Variants in MTMR4 observed in about 807,000 individuals in gnomAD.
MTMR4 encodes phosphatidylinositol-3,5-bisphosphate 3-phosphatase MTMR4.
MTMR4 carries 30 observed loss-of-function variants against 125.5 expected under a neutral mutation model. The observed-to-expected ratio is 0.24, with a 90% CI of 0.18 to 0.32. The LOEUF (loss-of-function observed/expected upper bound fraction) is 0.32. Among genes scored for constraint, MTMR4 ranks in the 10% least tolerant of loss-of-function variants. The probability of loss-of-function intolerance (pLI) is 1.00; values close to 1 mark genes in which losing one functional copy is unlikely to be tolerated. For synonymous variants in MTMR4, 498 were observed against 564.5 expected, an observed-to-expected ratio of 0.88 and a Z score of 1.67; for missense variants, 1,039 against 1,511.5, an observed-to-expected ratio of 0.69 and a Z score of 5.18.
intron 14 of MTMR4, among the ~76,000 whole-genome samples, chr17:58,500,457 G>T (rs1342145545): frequency 6.6e-6 from 1 of 150,954 alleles, no homozygotes; most frequent in Non-Finnish European, 1.5e-5. Flanking sequence ...CTGCTTAGAT[G>T]TTGACTTAGA....
At chr17:58,494,668 C>T (rs1975404675) in intron 15 of MTMR4, among the ~76,000 whole-genome samples, 1 of 152,190 alleles carries the variant, frequency 6.6e-6, no homozygotes, top group South Asian at 2.1e-4. Flanking sequence ...AAGTATCACA[C>T]ATTCTTCAGC....
chr17:58,507,396 G>A lies in MTMR4; in HGVS notation c.708-77C>T. On this transcript the variant is annotated intron_variant, in intron 7 of 17. Transcript: ENST00000682306. The stretch of plus-strand genomic sequence containing the variant: ...GCCTACCTCAGGGGGTTAGACCAAA[G>A]TCTCTAGAGCCAGCAGGGGCTACCA... The A allele has an allele frequency of 2.9e-6, 4 of 1,370,708 alleles. No individual in the cohort carries two copies. The South Asian group carries it at 5.3e-5, about 18-fold the overall frequency. 84.9% of individuals were successfully genotyped at this position (1,370,708 alleles called of 1,614,324 possible). A position where few individuals can be genotyped will look rare whatever the true frequency, so the allele number is the denominator to read the frequency against.
intron 15 of MTMR4, 91 bp downstream of exon 15, chr17:58,494,841 A>G: frequency 8.1e-7 from 1 of 1,231,750 alleles, no homozygotes; most frequent in South Asian, 1.4e-5. Flanking sequence ...TCAGTGGCAC[A>G]CAGCAAGTAC....
chr17:58,507,990 T>C (rs1361584154), intron 7 of MTMR4, 171 bp downstream of exon 7: 2 of 564,418 alleles, frequency 3.5e-6, no homozygotes, highest in Non-Finnish European at 6.3e-6. Context: ...AACTCCCTAA[T>C]AGCCTTATTC....
intron 17 of MTMR4, 74 bp downstream of exon 17, chr17:58,492,437 G>C: frequency 7.6e-7 from 1 of 1,323,522 alleles, no homozygotes; most frequent in Non-Finnish European, 1.1e-6. Flanking sequence ...CCAAGGTGTT[G>C]GCATTACAGG....
chr17:58,506,829 G>T lies in MTMR4; in HGVS notation c.947C>A (p.Ala316Asp). The T allele has an allele frequency of 1.2e-6, 2 of 1,613,664 alleles. No homozygotes were observed. The highest frequency in any genetic ancestry group is 1.7e-6 in the Non-Finnish European group (2 of 1,179,954). Residue 316 changes from alanine (A) to aspartate (D), a missense_variant, in exon 9 of 18, where the codon GCT becomes GAT. Around this residue, in one of 6 missense-constraint regions of MTMR4, gnomAD observed 49 missense variants for 68.4 expected, o/e 0.72. Coordinates refer to ENST00000682306, the MANE Select transcript of MTMR4 (RefSeq NM_001378067.1). Reference protein sequence around the residue: ...TACSGVESTAAPQKLLILDAR... With the variant: ...TACSGVESTADPQKLLILDAR... ...ATCCAGGATCAGCAGCTTTTGAGGA[G>T]CTGCTGTGCTCTCCACTCCAGAGCA...
chr17:58,503,659 A>G, intron 14 of MTMR4, 85 bp downstream of exon 14: 4 of 1,462,516 alleles, frequency 2.7e-6, no homozygotes, highest in Non-Finnish European at 3.7e-6. Flanking sequence ...CAAAAAAAAG[A>G]AAGAAAGAGA....
At position 58,494,943 on chromosome 17, in the gene MTMR4, C is replaced by T; in HGVS notation, c.3241G>A (p.Glu1081Lys). 1.2e-6 allele frequency: 2 copies of T among 1,613,780 alleles called. No homozygotes were observed. Among genetic ancestry groups the T allele is most frequent in the Non-Finnish European group, 1.7e-6 (2 of 1,179,796 alleles). Residue 1081 changes from glutamate (E) to lysine (K), a missense_variant, in exon 15 of 18, where the codon GAG becomes AAG. This residue lies in a region of MTMR4 where 619 missense variants were observed against 714.5 expected (regional missense o/e 0.87). Coordinates refer to ENST00000682306, the MANE Select transcript of MTMR4 (RefSeq NM_001378067.1). ...APPAEPPMDYEDDFTCLKESD... is the reference protein window; with the variant it reads ...APPAEPPMDYKDDFTCLKESD... ...TGGTGACTACTTACAAAATCATCCT[C>T]ATAGTCCATGGGGGGCTCTGCTGGA... is the stretch of plus-strand genomic sequence containing the variant.
rs1260452535 is a variant in MTMR4 at position 58,508,692 on chromosome 17, A to C, written c.485T>G (p.Leu162Arg). ...GLTEEDQHTHLCQPGEHIRCR... is the reference protein window; with the variant it reads ...GLTEEDQHTHRCQPGEHIRCR... ...TAGACTGGCCTCACCTGGCTGACAT[A>C]GGTGAGTGTGCTGGTCCTCCTCGGT... The change falls in exon 5 of 18, where the codon CTA (leucine) becomes CGA (arginine). Residue 162 changes from leucine to arginine, a missense_variant. This residue lies in a region of MTMR4 where 202 missense variants were observed against 311.9 expected (regional missense o/e 0.65). Coordinates refer to ENST00000682306, the MANE Select transcript of MTMR4 (RefSeq NM_001378067.1). The surrounding 1 kb of genome is among the most constrained non-coding windows in gnomAD (Gnocchi z 4.8). 3 of 1,614,182 alleles carry C rather than the reference A, an allele frequency of 1.9e-6. No homozygotes were observed. The highest frequency in any genetic ancestry group is 1.7e-5 in the Admixed American group (1 of 60,028).
intron 15 of MTMR4, 130 bp from the exon 16 acceptor site, chr17:58,493,082 C>T (rs1270038743): frequency 1.6e-6 from 1 of 643,450 alleles, no homozygotes; most frequent in African/African-American, 1.8e-5. Context: ...ACAATGTATA[C>T]TACTAATATC....
At chr17:58,498,907 C>T (rs909722230) in intron 14 of MTMR4, among the ~76,000 whole-genome samples, 9 of 152,142 alleles carry the variant, frequency 5.9e-5, no homozygotes, top group African/African-American at 9.7e-5. Flanking sequence ...ACTTTCAATT[C>T]TGTAGCCTGC....
chr17:58,508,592 C>T lies in MTMR4; in HGVS notation c.497-28G>A, dbSNP rs1316031263. 1 of 1,614,208 alleles carries T rather than the reference C, an allele frequency of 6.2e-7. No individual in the cohort carries two copies. Among genetic ancestry groups the T allele is most frequent in the Admixed American group, 1.7e-5 (1 of 60,024 alleles). ...GCAACAGAGCCCCCACGATGGTTAG[C>T]TTCCCAGAGCACCAATGTGCAGGAG... On this transcript the variant is annotated intron_variant, in intron 5 of 17. Coordinates refer to ENST00000682306, the MANE Select transcript of MTMR4 (RefSeq NM_001378067.1). This position sits in a 1 kb window ranked among gnomAD's most constrained non-coding sequence, Gnocchi z 4.8.
At chr17:58,514,956 T>G, upstream of MTMR4, 1 of 956,996 alleles carries the variant, frequency 1.0e-6, no homozygotes, top group Non-Finnish European at 1.2e-6. Flanking sequence ...CCGCACCCCA[T>G]TTGCTTCCTC....
At chr17:58,507,380 A>C in intron 7 of MTMR4, 61 bp from the exon 8 acceptor site, 14 of 1,510,564 alleles carry the variant, frequency 9.3e-6, no homozygotes, top group Middle Eastern at 1.7e-4. Context: ...GGCCTACCTC[A>C]GGGGGTTAGA....
rs935371958 is a variant in MTMR4, at chr17:58,504,260, T to C, written c.1528-40A>G. On this transcript the variant is annotated intron_variant, in intron 12 of 17. Transcript: ENST00000682306. The surrounding 1 kb of genome is among the most constrained non-coding windows in gnomAD (Gnocchi z 7.1). ...GAGCTTGCACCTGGGGGCCTCGGGC[T>C]GTCATTCCCCCCATCCCTGTTGTCA... is the stretch of plus-strand genomic sequence containing the variant. 10 of 1,603,952 alleles carry C rather than the reference T, an allele frequency of 6.2e-6. No individual in the cohort carries two copies. Among genetic ancestry groups the C allele is most frequent in the Non-Finnish European group, 7.7e-6 (9 of 1,171,838 alleles).
chr17:58,495,979 C>G lies in MTMR4; in HGVS notation c.2205G>C (p.Glu735Asp). The G allele has an allele frequency of 6.2e-7, 1 of 1,614,132 alleles. No homozygotes were observed. Among genetic ancestry groups the G allele is most frequent in the Non-Finnish European group, 8.5e-7 (1 of 1,180,038 alleles). ...REMKSNTSDPEIKVLEETKGP... is the reference protein window; with the variant it reads ...REMKSNTSDPDIKVLEETKGP... ...CCTTAGTCTCTTCTAGGACTTTGAT[C>G]TCAGGATCAGAGGTGTTGCTCTTCA... Residue 735 changes from glutamate (E) to aspartate (D), a missense_variant, in exon 15 of 18, where the codon GAG becomes GAC. Physicochemically the swap from Glu to Asp is conservative, Grantham distance 45 (BLOSUM62 2). Coordinates refer to ENST00000682306, the MANE Select transcript of MTMR4 (RefSeq NM_001378067.1).
At position 58,490,907 on chromosome 17, in the gene MTMR4, C is replaced by G. The variant is rs79308060; in HGVS notation, c.*756G>C. 6.4e-3 allele frequency: 978 copies of G among 152,750 alleles called. 1 individual carries two copies. The highest frequency in any genetic ancestry group is 0.02 in the Middle Eastern group (6 of 294). 9.5% of individuals were successfully genotyped at this position (152,750 alleles called of 1,614,324 possible). A position where few individuals can be genotyped will look rare whatever the true frequency, so the allele number is the denominator to read the frequency against. On this transcript the variant is annotated 3_prime_UTR_variant, in exon 18 of 18. Transcript: ENST00000682306. ...TTCTTCACAGTGCATAACTCAAGAG[C>G]TGCCACTGTGTAACAGAGACGACTG...
chr17:58,507,409 G>T, intron 7 of MTMR4, 90 bp from the exon 8 acceptor site: 1 of 1,189,430 alleles, frequency 8.4e-7, no homozygotes, highest in Non-Finnish European at 1.2e-6. Context: ...TCTAGAGCCA[G>T]CAGGGGCTAC....
Position 58,508,573 on chromosome 17 carries a change from G to A in MTMR4, c.497-9C>T. On this transcript the variant is annotated splice_polypyrimidine_tract_variant and intron_variant, in intron 5 of 17. Coordinates refer to ENST00000682306, the MANE Select transcript of MTMR4 (RefSeq NM_001378067.1). The surrounding 1 kb of genome is among the most constrained non-coding windows in gnomAD (Gnocchi z 4.8). ...ACAACGTATGTGCTCACCTGCAACA[G>A]AGCCCCCACGATGGTTAGCTTCCCA... 6.2e-7 allele frequency: 1 copy of A among 1,614,222 alleles called. No individual in the cohort carries two copies. The highest frequency in any genetic ancestry group is 1.6e-4 in the Middle Eastern group (1 of 6,062).
Sources: allele counts gnomAD v4.1 joint callset (sites outside exome capture counted in the v4.1 genomes callset), GRCh38; gene constraint gnomAD v4.1.1; regional missense constraint gnomAD v4.1.1; non-coding constraint Gnocchi (gnomAD v3.1); transcripts MANE v1.5; gene names NCBI Gene and HGNC (gene_info 2026-07-23, HGNC 2026-07-21).